Variants in LAP3 observed in about 807,000 individuals in gnomAD.
LAP3 encodes leucine aminopeptidase 3, also known as cytosol aminopeptidase.
A neutral mutation model predicts 58.8 loss-of-function variants in LAP3; 46 were observed. The ratio of observed to expected loss-of-function variants is 0.78; its 90% CI spans 0.62 to 1.00. The LOEUF (loss-of-function observed/expected upper bound fraction) is 1.00. LAP3 is among the 50% of genes least tolerant of loss of function. The probability of loss-of-function intolerance (pLI) is 0.00; values close to 1 mark genes in which losing one functional copy is unlikely to be tolerated. For synonymous variants in LAP3, 257 were observed against 237.7 expected, an observed-to-expected ratio of 1.08 and a Z score of -0.75; for missense variants, 615 against 659.1, an observed-to-expected ratio of 0.93 and a Z score of 0.73.
chr4:17,598,600 T>C, intron 10 of LAP3, 42 bp downstream of exon 10: 1 of 1,398,768 alleles, frequency 7.1e-7, no homozygotes, highest in East Asian at 2.3e-5. Context: ...GAAGGAAGTC[T>C]TGTTCGTTGC....
At chr4:17,584,852 T>G in intron 5 of LAP3, 120 bp from the exon 6 acceptor site, 2 of 943,628 alleles carry the variant, frequency 2.1e-6, no homozygotes, top group Non-Finnish European at 1.6e-6. Flanking sequence ...TGTGTGCCAA[T>G]TGTTTTTGAT....
chr4:17,583,881 G>A (rs1393083763), intron 5 of LAP3, among the ~76,000 whole-genome samples: 1 of 152,204 alleles, frequency 6.6e-6, no homozygotes, highest in Non-Finnish European at 1.5e-5. Context: ...CTGATTACAA[G>A]GAAGCCATAA....
chr4:17,592,921 C>A (rs1167249832), intron 7 of LAP3, among the ~76,000 whole-genome samples: 1 of 152,220 alleles, frequency 6.6e-6, no homozygotes, highest in African/African-American at 2.4e-5. Context: ...GCCTCAGCCT[C>A]CCGAGTAGCC....
At chr4:17,580,693 C>A (rs1414836602) in intron 2 of LAP3, among the ~76,000 whole-genome samples, 2 of 152,042 alleles carry the variant, frequency 1.3e-5, no homozygotes, top group Non-Finnish European at 2.9e-5. Flanking sequence ...TCTTTTATTG[C>A]CTGCCTGAAG....
chr4:17,580,022 GA>G (rs1713309829), intron 2 of LAP3, 83 bp downstream of exon 2: 5 of 135,348 alleles, frequency 3.7e-5, no homozygotes, highest in Non-Finnish European at 7.5e-5. Flanking sequence ...TTTTGAAACA[GA>G]GTCTTGCTCT....
intron 1 of LAP3, among the ~76,000 whole-genome samples, chr4:17,578,587 C>T (rs568575051): frequency 6.6e-6 from 1 of 152,308 alleles, no homozygotes; most frequent in Non-Finnish European, 1.5e-5. Context: ...GTTTCAGTTT[C>T]CTTATCGGTC....
At chr4:17,587,290 G>A (rs1464783359) in intron 6 of LAP3, among the ~76,000 whole-genome samples, 3 of 152,176 alleles carry the variant, frequency 2.0e-5, no homozygotes, top group Admixed American at 6.5e-5. Context: ...AGACATAGCC[G>A]CGCTAAGCAC....
intron 5 of LAP3, among the ~76,000 whole-genome samples, chr4:17,584,002 T>C (rs3775923): frequency 0.71 from 108,532 of 152,242 alleles, 39,368 homozygotes; most frequent in East Asian, 0.93. Flanking sequence ...TTGTGCTAAA[T>C]GCAAGCACCA....
intron 11 of LAP3, among the ~76,000 whole-genome samples, chr4:17,605,589 G>A (rs1434889506): frequency 6.6e-6 from 1 of 152,132 alleles, no homozygotes; most frequent in Non-Finnish European, 1.5e-5. Flanking sequence ...ATAATCCTGA[G>A]GGTGGTTTAA....
intron 10 of LAP3, among the ~76,000 whole-genome samples, chr4:17,603,292 A>G (rs1225997106): frequency 6.6e-6 from 1 of 151,922 alleles, no homozygotes; most frequent in Non-Finnish European, 1.5e-5. Flanking sequence ...TGGGCAACAG[A>G]GCAAGACTCT....
At chr4:17,598,005 C>T (rs1713875495) in intron 9 of LAP3, among the ~76,000 whole-genome samples, 1 of 152,204 alleles carries the variant, frequency 6.6e-6, no homozygotes, top group Non-Finnish European at 1.5e-5. Flanking sequence ...CTGTAGCTTT[C>T]TTAAAGCTCT....
chr4:17,595,461 C>T lies in LAP3; in HGVS notation c.915C>T (p.Asp305=), dbSNP rs768779245. The change falls in exon 8 of 13, where the codon GAC becomes GAT. Residue 305 remains aspartate (D), a synonymous_variant. Transcript: ENST00000226299. ...ASANMDLMRA[D]MGGAATICSA... is the part of the protein sequence containing the mutation. ...CAAATATGGACCTCATGAGGGCTGA[C>T]ATGGGAGGAGCTGCAACTATATGCT... The T allele has an allele frequency of 5.0e-6, 8 of 1,613,894 alleles. No individual in the cohort carries two copies. The South Asian group carries it at 7.7e-5, about 16-fold the overall frequency.
At chr4:17,594,512 C>G (rs1033262840) in intron 7 of LAP3, among the ~76,000 whole-genome samples, 1 of 152,304 alleles carries the variant, frequency 6.6e-6, no homozygotes, top group South Asian at 2.1e-4. Flanking sequence ...AACTTAGAGT[C>G]GAAGCCCCTG....
At chr4:17,582,259 G>T in intron 3 of LAP3, 29 bp from the exon 4 acceptor site, 1 of 1,546,998 alleles carries the variant, frequency 6.5e-7, no homozygotes, top group Non-Finnish European at 8.9e-7. Flanking sequence ...AAGAAATAAA[G>T]TGGTTGATTT....
At chr4:17,590,858 CT>C (rs374500690) in intron 7 of LAP3, among the ~76,000 whole-genome samples, 19 of 151,736 alleles carry the variant, frequency 1.3e-4, no homozygotes, top group South Asian at 4.1e-4. Context: ...GCGTGAGCCA[CT>C]GCGCCTGGCC....
At chr4:17,595,327 C>T (rs1713802691) in intron 7 of LAP3, 83 bp from the exon 8 acceptor site, 14 of 1,505,590 alleles carry the variant, frequency 9.3e-6, no homozygotes, top group East Asian at 4.6e-5. Flanking sequence ...CGTGAGCCAC[C>T]GTGCCCATCT....
intron 10 of LAP3, among the ~76,000 whole-genome samples, chr4:17,603,233 G>A (rs571927014): frequency 1.6e-4 from 24 of 151,814 alleles, no homozygotes; most frequent in Non-Finnish European, 2.8e-4. Context: ...GCATGAACCC[G>A]GGAGGTGGAG....
At chr4:17,580,165 C>CATATATATATATATATATAT (rs372439585) in intron 2 of LAP3, among the ~76,000 whole-genome samples, 7 of 45,992 alleles carry the variant, frequency 1.5e-4, no homozygotes, top group African/African-American at 8.9e-4. Flanking sequence ...TCCCGGCTTT[C>CATATATATATATATATATAT]ATATATATAT....
chr4:17,585,213 C>T (rs1186914266), intron 6 of LAP3, 77 bp downstream of exon 6: 6 of 1,240,182 alleles, frequency 4.8e-6, no homozygotes, highest in African/African-American at 3.0e-5. Flanking sequence ...CCAGCTCCCT[C>T]ACTTTTTAGA....
Sources: allele counts gnomAD v4.1 joint callset (sites outside exome capture counted in the v4.1 genomes callset), GRCh38; gene constraint gnomAD v4.1.1; transcripts MANE v1.5; gene names NCBI Gene and HGNC (gene_info 2026-07-23, HGNC 2026-07-21).